GRIA1: variants seen among roughly 807,000 people sequenced by gnomAD.
The protein encoded by GRIA1 is glutamate ionotropic receptor AMPA type subunit 1, also known as glutamate receptor 1.
GRIA1 carries 31 observed loss-of-function variants against 99.2 expected under a neutral mutation model. The ratio of observed to expected loss-of-function variants is 0.31; its 90% CI spans 0.23 to 0.42. The LOEUF is 0.42. GRIA1 is among the 10% of genes least tolerant of loss of function. The pLI, the probability that GRIA1 is intolerant of heterozygous loss-of-function variation, is 1.00. For missense variants in GRIA1, 782 were observed against 1,157.5 expected (o/e 0.68, Z 4.71); for synonymous variants, 438 against 432.4 (o/e 1.01, Z -0.16).
At chr5:153,660,747 C>G (rs1755312056) in intron 5 of GRIA1, among the ~76,000 whole-genome samples, 1 of 152,184 alleles carries the variant, frequency 6.6e-6, no homozygotes, top group Non-Finnish European at 1.5e-5. Flanking sequence ...CAAACTGGCT[C>G]TACAGACACA....
chr5:153,633,758 C>T (rs1753142292), intron 2 of GRIA1, among the ~76,000 whole-genome samples: 1 of 152,152 alleles, frequency 6.6e-6, no homozygotes, highest in Admixed American at 6.5e-5. Flanking sequence ...TATAAAGAAC[C>T]TGCAGCTAAC....
At chr5:153,699,177 T>A (rs987704666) in intron 10 of GRIA1, 104 bp downstream of exon 10, 4 of 760,508 alleles carry the variant, frequency 5.3e-6, no homozygotes, top group Admixed American at 2.0e-5. Flanking sequence ...TATGAAACCC[T>A]GTAATTGAGT....
chr5:153,769,616 A>G (rs1354664645), intron 12 of GRIA1, among the ~76,000 whole-genome samples: 1 of 151,974 alleles, frequency 6.6e-6, no homozygotes, highest in Non-Finnish European at 1.5e-5. Flanking sequence ...TATCAGCTTT[A>G]TTAGACAACA....
At chr5:153,537,504 T>C (rs1182238450) in intron 2 of GRIA1, among the ~76,000 whole-genome samples, 1 of 152,226 alleles carries the variant, frequency 6.6e-6, no homozygotes, top group Non-Finnish European at 1.5e-5. Context: ...TCTCGCTGCC[T>C]GGGTCCCTTT....
intron 3 of GRIA1, among the ~76,000 whole-genome samples, chr5:153,649,763 G>A (rs1346905315): frequency 6.6e-6 from 1 of 152,032 alleles, no homozygotes; most frequent in African/African-American, 2.4e-5. Flanking sequence ...GGCCTGGCCT[G>A]CCAGGACACA....
At chr5:153,612,310 C>T (rs1766064145) in intron 2 of GRIA1, among the ~76,000 whole-genome samples, 1 of 152,146 alleles carries the variant, frequency 6.6e-6, no homozygotes, top group Non-Finnish European at 1.5e-5. Context: ...CTACAGTCTT[C>T]TTAAGGGAAA....
At chr5:153,699,105 G>A (rs755173976) in intron 10 of GRIA1, 32 bp downstream of exon 10, 14 of 1,491,688 alleles carry the variant, frequency 9.4e-6, no homozygotes. Flanking sequence ...AAATTAGAGG[G>A]CGGAGGCAGA....
At chr5:153,632,499 T>C (rs895825434) in intron 2 of GRIA1, among the ~76,000 whole-genome samples, 1 of 152,230 alleles carries the variant, frequency 6.6e-6, no homozygotes, top group African/African-American at 2.4e-5. Context: ...GCAACTTAAC[T>C]CTTGGAAGCT....
At chr5:153,501,814 G>T (rs1755039462) in intron 2 of GRIA1, among the ~76,000 whole-genome samples, 1 of 152,204 alleles carries the variant, frequency 6.6e-6, no homozygotes, top group African/African-American at 2.4e-5. Context: ...GTGTGCCCAT[G>T]GGCATTCCTG....
chr5:153,542,510 C>T (rs1466735848), intron 2 of GRIA1, among the ~76,000 whole-genome samples: 1 of 152,194 alleles, frequency 6.6e-6, no homozygotes, highest in African/African-American at 2.4e-5. Context: ...CTTGGCAAAG[C>T]ATTCTTTATT....
At chr5:153,720,946 T>C (rs1760015252) in intron 11 of GRIA1, among the ~76,000 whole-genome samples, 1 of 152,156 alleles carries the variant, frequency 6.6e-6, no homozygotes, top group Non-Finnish European at 1.5e-5. Flanking sequence ...CTTACAAAGT[T>C]CAGGTGTATC....
At chr5:153,782,905 C>T (rs1427646589) in intron 13 of GRIA1, among the ~76,000 whole-genome samples, 3 of 152,164 alleles carry the variant, frequency 2.0e-5, no homozygotes, top group Admixed American at 2.0e-4. Flanking sequence ...CTTCCCCAAA[C>T]AAAACCTCTC....
At chr5:153,577,949 G>A (rs561039945) in intron 2 of GRIA1, among the ~76,000 whole-genome samples, 2 of 151,868 alleles carry the variant, frequency 1.3e-5, no homozygotes, top group Non-Finnish European at 2.9e-5. Flanking sequence ...TCAGGAGTTC[G>A]AGACTAGCCT....
chr5:153,576,336 G>A (rs537634664), intron 2 of GRIA1, among the ~76,000 whole-genome samples: 21 of 152,316 alleles, frequency 1.4e-4, no homozygotes, highest in African/African-American at 5.1e-4. Context: ...AAGCAGCTAA[G>A]CCTTGAAGAA....
Position 153,813,288 on chromosome 5 carries a change from T to G in GRIA1, c.*2063T>G, listed in dbSNP as rs569891601. On this transcript the variant is annotated 3_prime_UTR_variant, in exon 16 of 16. Coordinates refer to ENST00000285900, the MANE Select transcript of GRIA1 (RefSeq NM_000827.4). Reference sequence around the variant, plus strand: ...CAGCCTACCACTGCAGAATCCGATGTGACCCACCATTAGGGAGTCTGCATC... The same window carrying G: ...CAGCCTACCACTGCAGAATCCGATGGGACCCACCATTAGGGAGTCTGCATC... The G allele has an allele frequency of 2.0e-5, 3 of 152,376 alleles. No homozygotes were observed. In the East Asian group the frequency reaches 5.8e-4, roughly 29 times the overall value. 9.4% of individuals were successfully genotyped at this position (152,376 alleles called of 1,614,324 possible). A position where few individuals can be genotyped will look rare whatever the true frequency, so the allele number is the denominator to read the frequency against.
rs547253448 is a variant in GRIA1 at position 153,780,471 on chromosome 5, T to C, written c.2270+10056T>C. Among the ~76,000 whole-genome samples, 19 of 152,352 alleles carry C rather than the reference T, an allele frequency of 1.2e-4. 1 individual carries two copies. In the South Asian group the frequency reaches 3.9e-3, roughly 32 times the overall value. ...CAAGTGACTTCATCTCCTTAAGACT[T>C]AGTTTTCACCAAATGTAAAAAACTG... On this transcript the variant is annotated intron_variant, in intron 13 of 15. Transcript: ENST00000285900.
intron 14 of GRIA1, among the ~76,000 whole-genome samples, chr5:153,797,202 G>T (rs1765704650): frequency 6.6e-6 from 1 of 152,240 alleles, no homozygotes; most frequent in Non-Finnish European, 1.5e-5. Context: ...CAGGTTTCCT[G>T]ATTTCTGTAA....
chr5:153,688,071 A>G (rs2149499147), intron 8 of GRIA1, among the ~76,000 whole-genome samples: 1 of 152,204 alleles, frequency 6.6e-6, no homozygotes, highest in Non-Finnish European at 1.5e-5. Context: ...CTTTCTCCAT[A>G]TTCAAAACCA....
intron 11 of GRIA1, among the ~76,000 whole-genome samples, chr5:153,738,260 T>C (rs1761530740): frequency 6.6e-6 from 1 of 152,218 alleles, no homozygotes; most frequent in Non-Finnish European, 1.5e-5. Context: ...TTTTCTCTTC[T>C]AGTGCTTCCC....
Sources: allele counts gnomAD v4.1 joint callset (sites outside exome capture counted in the v4.1 genomes callset), GRCh38; gene constraint gnomAD v4.1.1; transcripts MANE v1.5; gene names NCBI Gene and HGNC (gene_info 2026-07-23, HGNC 2026-07-21).